Variants in PLXNA4 observed in about 807,000 individuals in gnomAD.
PLXNA4 encodes plexin-A4.
Under a neutral mutation model 191.8 loss-of-function variants are expected in PLXNA4, and 44 were observed. That is an observed-to-expected ratio of 0.23 (90% CI 0.18 to 0.29). The LOEUF is 0.29. Ranked by LOEUF, PLXNA4 falls within the 10% of genes least tolerant of loss-of-function variation. The pLI is 1.00. For synonymous variants in PLXNA4, 1,082 were observed against 1,009.5 expected, an observed-to-expected ratio of 1.07 and a Z score of -1.36; for missense variants, 1,800 against 2,488.8, an observed-to-expected ratio of 0.72 and a Z score of 5.89.
chr7:132,527,330 T>C (rs763284078), intron 1 of PLXNA4, among the ~76,000 whole-genome samples: 27 of 152,056 alleles, frequency 1.8e-4, no homozygotes, highest in Non-Finnish European at 3.5e-4. Context: ...TGAGAAAATC[T>C]TGCCATCCAC....
intron 3 of PLXNA4, among the ~76,000 whole-genome samples, chr7:132,317,790 GAAC>G (rs1802004796): frequency 6.6e-6 from 1 of 152,204 alleles, no homozygotes; most frequent in Non-Finnish European, 1.5e-5. Context: ...CAGCATTGTG[GAAC>G]ACCAGTTGTA....
At chr7:132,475,045 A>G (rs1346018810) in intron 3 of PLXNA4, among the ~76,000 whole-genome samples, 6 of 152,210 alleles carry the variant, frequency 3.9e-5, no homozygotes, top group Non-Finnish European at 7.3e-5. Context: ...TGCAGCCAGA[A>G]ACAAAGTTAA....
intron 3 of PLXNA4, among the ~76,000 whole-genome samples, chr7:132,335,161 A>G (rs1008130622): frequency 6.6e-6 from 1 of 152,196 alleles, no homozygotes; most frequent in African/African-American, 2.4e-5. Context: ...AGTGACTCCC[A>G]AGACTTTATT....
At chr7:132,534,557 G>A (rs148407744) in intron 1 of PLXNA4, among the ~76,000 whole-genome samples, 244 of 152,300 alleles carry the variant, frequency 1.6e-3, no homozygotes, top group Non-Finnish European at 2.4e-3. Flanking sequence ...CTGTAGTGGC[G>A]GAATGGGGTG....
At chr7:132,564,018 C>G (rs1801571261) in intron 1 of PLXNA4, among the ~76,000 whole-genome samples, 1 of 36,720 alleles carries the variant, frequency 2.7e-5, no homozygotes. Context: ...TTCTCCTCCT[C>G]CTTCTCCTCC....
intron 3 of PLXNA4, among the ~76,000 whole-genome samples, chr7:132,311,156 TTG>T (rs749947062): frequency 0.19 from 25,109 of 131,894 alleles, 2,559 homozygotes; most frequent in Non-Finnish European, 0.24. Flanking sequence ...TCTAGGATAA[TTG>T]TGTGTGTGTG....
chr7:132,434,884 A>G (rs1795407910), intron 3 of PLXNA4, among the ~76,000 whole-genome samples: 1 of 151,992 alleles, frequency 6.6e-6, no homozygotes. Context: ...CAAAGTCCCC[A>G]CTCTAATTTT....
At chr7:132,407,040 T>A (rs1223562958) in intron 3 of PLXNA4, among the ~76,000 whole-genome samples, 2 of 152,200 alleles carry the variant, frequency 1.3e-5, no homozygotes, top group African/African-American at 2.4e-5. Context: ...ATCTGCCTTA[T>A]GGAGTCTGGG....
intron 4 of PLXNA4, among the ~76,000 whole-genome samples, chr7:132,273,983 C>A (rs1800174815): frequency 6.7e-6 from 1 of 149,708 alleles, no homozygotes; most frequent in African/African-American, 2.5e-5. Flanking sequence ...TTCACCCATG[C>A]CATAGAATAC....
intron 3 of PLXNA4, among the ~76,000 whole-genome samples, chr7:132,428,327 T>A (rs1237985261): frequency 6.6e-6 from 1 of 152,202 alleles, no homozygotes; most frequent in African/African-American, 2.4e-5. Context: ...CCCTATGCTC[T>A]CCCCATCTGG....
At chr7:132,498,183 G>T (rs1017305452) in intron 2 of PLXNA4, among the ~76,000 whole-genome samples, 3 of 152,138 alleles carry the variant, frequency 2.0e-5, no homozygotes, top group African/African-American at 7.2e-5. Context: ...ATAGTATACT[G>T]TCATAACTGT....
At chr7:132,162,969 C>T (rs985687206) in intron 24 of PLXNA4, among the ~76,000 whole-genome samples, 1 of 152,146 alleles carries the variant, frequency 6.6e-6, no homozygotes, top group African/African-American at 2.4e-5. Flanking sequence ...ATCACACTCC[C>T]TCCCAGTACT....
At chr7:132,616,908 A>G (rs1803167049) in intron 2 of PLXNA4, among the ~76,000 whole-genome samples, 1 of 152,108 alleles carries the variant, frequency 6.6e-6, no homozygotes, top group African/African-American at 2.4e-5. Context: ...TGAAGTAAGG[A>G]GTGGCTGCAT....
intron 3 of PLXNA4, among the ~76,000 whole-genome samples, chr7:132,422,050 A>T (rs1027452105): frequency 6.6e-6 from 1 of 152,226 alleles, no homozygotes; most frequent in Non-Finnish European, 1.5e-5. Flanking sequence ...GTTGTCAAAT[A>T]GACACCTGTA....
At chr7:132,446,231 C>G (rs1484245560) in intron 3 of PLXNA4, among the ~76,000 whole-genome samples, 2 of 152,184 alleles carry the variant, frequency 1.3e-5, no homozygotes, top group Admixed American at 1.3e-4. Context: ...ACTTCATCCC[C>G]ACTAGTAAAG....
At chr7:132,164,106 G>T (rs1232231899) in intron 24 of PLXNA4, 36 bp downstream of exon 24, 1 of 1,611,962 alleles carries the variant, frequency 6.2e-7, no homozygotes, top group Non-Finnish European at 8.5e-7. Flanking sequence ...AAGCCCGCCT[G>T]TCAAAGCCCC....
intron 1 of PLXNA4, among the ~76,000 whole-genome samples, chr7:132,553,190 A>G (rs1321958132): frequency 6.6e-6 from 1 of 152,244 alleles, no homozygotes; most frequent in Non-Finnish European, 1.5e-5. Context: ...TGTTTCTGCC[A>G]GCCCCAGGCA....
At position 132,130,117 on chromosome 7, in the gene PLXNA4, C is replaced by T. The variant is rs1466315847; in HGVS notation, c.*362G>A. ...GGTGAAGTAGCAGCACAGAAATGTC[C>T]CCTGTCCCTGGCTCCTCATTCGTTA... On this transcript the variant is annotated 3_prime_UTR_variant, in exon 32 of 32. Transcript: ENST00000321063. The T allele has an allele frequency of 8.4e-6, 2 of 239,236 alleles. No homozygotes were observed. Among genetic ancestry groups the T allele is most frequent in the Non-Finnish European group, 1.7e-5 (2 of 118,778 alleles). 14.8% of individuals were successfully genotyped at this position (239,236 alleles called of 1,614,324 possible).
At chr7:132,410,485 G>A (rs1032383621) in intron 3 of PLXNA4, among the ~76,000 whole-genome samples, 1 of 152,182 alleles carries the variant, frequency 6.6e-6, no homozygotes, top group South Asian at 2.1e-4. Context: ...AGGGATAACC[G>A]TTAGAACTGC....
Sources: allele counts gnomAD v4.1 joint callset (sites outside exome capture counted in the v4.1 genomes callset), GRCh38; gene constraint gnomAD v4.1.1; transcripts MANE v1.5; gene names NCBI Gene and HGNC (gene_info 2026-07-23, HGNC 2026-07-21).